The following SNX25 variants were observed in gnomAD, a reference collection of about 807,000 sequenced individuals.
SNX25 encodes the protein sorting nexin 25.
SNX25 carries 62 observed loss-of-function variants against 113.7 expected under a neutral mutation model. The ratio of observed to expected loss-of-function variants is 0.55; its 90% CI spans 0.44 to 0.67. SNX25 has a LOEUF of 0.67. Ranked by LOEUF, SNX25 falls within the 30% of genes least tolerant of loss-of-function variation. The probability of loss-of-function intolerance (pLI) is 0.00; values close to 1 mark genes in which losing one functional copy is unlikely to be tolerated. For synonymous variants in SNX25, 421 were observed against 436.2 expected (o/e 0.97, Z 0.43); for missense variants, 1,014 against 1,161.0 (o/e 0.87, Z 1.84).
At chr4:185,365,216 A>T (rs2095382528), downstream of SNX25, 1 of 152,214 alleles carries the variant, frequency 6.6e-6, no homozygotes, top group Non-Finnish European at 1.5e-5. Context: ...CATTGGATTT[A>T]TAGAAGACAT....
At chr4:185,286,734 G>A (rs1225595148) in intron 5 of SNX25, among the ~76,000 whole-genome samples, 1 of 152,194 alleles carries the variant, frequency 6.6e-6, no homozygotes, top group South Asian at 2.1e-4. Flanking sequence ...CAGGCAGCCG[G>A]CAGTGTCTGC....
rs1472677762 is a variant in SNX25 at position 185,363,170 on chromosome 4, G to A, written c.2935-215G>A. Reference sequence around the variant, plus strand: ...CCTTGACTTTTGATATCACATTGCCGCATAACTGGTTGGTTTTCTTATTTC... The same window carrying A: ...CCTTGACTTTTGATATCACATTGCCACATAACTGGTTGGTTTTCTTATTTC... On this transcript the variant is annotated intron_variant, in intron 18 of 18. Coordinates refer to ENST00000652585, the MANE Select transcript of SNX25 (RefSeq NM_001378034.2). The surrounding 1 kb of genome is among the most constrained non-coding windows in gnomAD (Gnocchi z 4.2). 2.0e-5 allele frequency among the ~76,000 whole-genome samples: 3 copies of A among 152,038 alleles called. No homozygotes were observed. Among genetic ancestry groups the A allele is most frequent in the Non-Finnish European group, 4.4e-5 (3 of 68,022 alleles).
intron 6 of SNX25, among the ~76,000 whole-genome samples, chr4:185,302,372 T>C (rs1046866267): frequency 1.3e-5 from 2 of 152,068 alleles, no homozygotes; most frequent in Non-Finnish European, 2.9e-5. Flanking sequence ...TTGCAACTAG[T>C]GTCTTGTAGG....
chr4:185,229,671 C>T (rs1320780906), intron 1 of SNX25, among the ~76,000 whole-genome samples: 1 of 152,112 alleles, frequency 6.6e-6, no homozygotes, highest in Non-Finnish European at 1.5e-5. Context: ...GTTTTGCTGA[C>T]TAAACGCTAC....
rs1737438374 is a variant in SNX25 at position 185,209,720 on chromosome 4, G to C, written c.-107G>C. ...CGGCGTCTGCGGGGGCCGCTCCCTC[G>C]GTGGGCCGCGGGCGAGGCATGAGCG... On this transcript the variant is annotated 5_prime_UTR_variant, in exon 1 of 19. Coordinates refer to ENST00000652585, the MANE Select transcript of SNX25 (RefSeq NM_001378034.2). The surrounding 1 kb of genome is among the most constrained non-coding windows in gnomAD (Gnocchi z 5.2). 3 of 984,054 alleles carry C rather than the reference G, an allele frequency of 3.0e-6. No homozygotes were observed. The highest frequency in any genetic ancestry group is 3.6e-6 in the Non-Finnish European group (3 of 829,296). 61.0% of individuals were successfully genotyped at this position (984,054 alleles called of 1,614,324 possible).
intron 1 of SNX25, among the ~76,000 whole-genome samples, chr4:185,231,657 G>A (rs1299239528): frequency 6.6e-6 from 1 of 151,068 alleles, no homozygotes; most frequent in Non-Finnish European, 1.5e-5. Flanking sequence ...GTTGCAGTGA[G>A]CTAAGATGGC....
intron 9 of SNX25, among the ~76,000 whole-genome samples, chr4:185,324,885 A>G (rs754529478): frequency 3.0e-4 from 45 of 152,148 alleles, no homozygotes; most frequent in Non-Finnish European, 5.9e-4. Flanking sequence ...ATTGACTGTA[A>G]GAGTAATGCC....
In SNX25 at chr4:185,258,966, C is replaced by T. The variant is rs746689471; in HGVS notation, c.633C>T (p.His211=). The T allele has an allele frequency of 2.5e-6, 4 of 1,614,148 alleles. No homozygotes were observed. The highest frequency in any genetic ancestry group is 1.6e-4 in the Middle Eastern group (1 of 6,062). The part of the protein sequence containing the change: ...EDFWEIARQL[H]HRLSHVDVVK... The stretch of plus-strand genomic sequence containing the variant: ...TTTGGGAAATTGCCAGACAGCTGCA[C>T]CACAGACTGAGTCACGTGGATGTGG... Residue 211 remains histidine, a synonymous_variant, in exon 3 of 19, where the codon CAC becomes CAT. Coordinates refer to ENST00000652585, the MANE Select transcript of SNX25 (RefSeq NM_001378034.2).
chr4:185,367,106 A>G (rs75142124), downstream of SNX25: 3,742 of 1,279,450 alleles, frequency 2.9e-3, 84 homozygotes, highest in African/African-American at 0.05. Context: ...CAAAATAACC[A>G]AACATAGCTA....
intron 9 of SNX25, among the ~76,000 whole-genome samples, chr4:185,326,400 A>G (rs185342061): frequency 1.4e-3 from 215 of 152,298 alleles, no homozygotes; most frequent in African/African-American, 5.0e-3. Context: ...TTAGAGCTTT[A>G]TAGCTGATTA....
rs2095248835 is a variant in SNX25, at chr4:185,339,399, T to C, written c.1935T>C (p.Asp645=). 1 of 1,613,920 alleles carries C rather than the reference T, an allele frequency of 6.2e-7. No homozygotes were observed. The highest frequency in any genetic ancestry group is 1.3e-5 in the African/African-American group (1 of 74,926). The change falls in exon 11 of 19, where the codon GAT becomes GAC. Residue 645 remains aspartate (D), a synonymous_variant. Coordinates refer to ENST00000652585, the MANE Select transcript of SNX25 (RefSeq NM_001378034.2). Reference sequence around the variant, plus strand: ...GGCAGATTGTTTCCAAGTTGAAGGATGAAATAATCCTAATAGAGAAAGAAC... The same window carrying C: ...GGCAGATTGTTTCCAAGTTGAAGGACGAAATAATCCTAATAGAGAAAGAAC... ...PDKKIVSKLK[D]EIILIEKERT...
intron 1 of SNX25, 48 bp from the exon 2 acceptor site, chr4:185,247,246 A>G: frequency 1.6e-6 from 2 of 1,263,724 alleles, no homozygotes; most frequent in Non-Finnish European, 2.2e-6. Flanking sequence ...TTTTTATGTG[A>G]TTTATTCATT....
downstream of SNX25, among the ~76,000 whole-genome samples, chr4:185,373,248 A>C (rs1355199368): frequency 6.6e-6 from 1 of 152,192 alleles, no homozygotes; most frequent in Non-Finnish European, 1.5e-5. Flanking sequence ...TGCCTAACAC[A>C]GTGTGGAGGC....
the SNX25 span, chr4:185,378,383 T>G: frequency 7.2e-7 from 1 of 1,389,756 alleles, no homozygotes; most frequent in Non-Finnish European, 9.3e-7. Context: ...ACCAAGACCC[T>G]CCTCCCTAGC....
chr4:185,266,926 G>T (rs1288150401), intron 4 of SNX25, 43 bp from the exon 5 acceptor site: 1 of 1,581,738 alleles, frequency 6.3e-7, no homozygotes, highest in African/African-American at 1.4e-5. Flanking sequence ...TTCCCTTAAA[G>T]AAGAATACCT....
At chr4:185,207,567 C>CT (rs141853362), upstream of SNX25, among the ~76,000 whole-genome samples, 11 of 151,466 alleles carry the variant, frequency 7.3e-5, no homozygotes, top group Non-Finnish European at 1.3e-4. Flanking sequence ...AGAATTTAAC[C>CT]TTTTTTTTTC....
upstream of SNX25, among the ~76,000 whole-genome samples, chr4:185,208,860 A>G (rs2111454992): frequency 6.6e-6 from 1 of 152,380 alleles, no homozygotes; most frequent in African/African-American, 2.4e-5. Context: ...ATTGGCATCT[A>G]CTTAGCAAGC....
downstream of SNX25, chr4:185,364,386 G>A (rs1430886917): frequency 6.6e-6 from 1 of 152,014 alleles, no homozygotes; most frequent in Non-Finnish European, 1.5e-5. Flanking sequence ...AATTTTCCTG[G>A]GTTTCACCAT....
At position 185,362,104 on chromosome 4, in the gene SNX25, A is replaced by G. The variant is rs1253345699; in HGVS notation, c.2832A>G (p.Pro944=). 6.2e-7 allele frequency: 1 copy of G among 1,610,234 alleles called. No homozygotes were observed. Among genetic ancestry groups the G allele is most frequent in the East Asian group, 2.2e-5 (1 of 44,746 alleles). Residue 944 remains proline, a splice_region_variant and synonymous_variant, in exon 17 of 19, where the codon CCA becomes CCG. Transcript: ENST00000652585. ...RAQQKLLENI[P]DMLQSLVGQQ... ...AGCAAAAGCTGCTTGAAAACATTCC[A>G]GGTGAGGCCTGGGCTATTAGCCTGA...
Sources: gnomAD v4.1 joint callset for allele counts (sites outside exome capture counted in the v4.1 genomes callset) on GRCh38, gnomAD v4.1.1 for gene constraint, Gnocchi (gnomAD v3.1) non-coding constraint, MANE v1.5 for transcripts, NCBI Gene and HGNC (gene_info 2026-07-23, HGNC 2026-07-21) for gene names.